ATP11A: variants seen among roughly 807,000 people sequenced by gnomAD.
The protein encoded by ATP11A is phospholipid-transporting ATPase IH.
A neutral mutation model predicts 154.4 loss-of-function variants in ATP11A; 81 were observed. The observed-to-expected ratio is 0.52, with a 90% CI of 0.44 to 0.63. The LOEUF is 0.63. Ranked by LOEUF, ATP11A falls within the 30% of genes least tolerant of loss-of-function variation. ATP11A has a pLI of 0.00. For synonymous variants in ATP11A, 623 were observed against 585.9 expected (o/e 1.06, Z -0.91); for missense variants, 1,316 against 1,474.3 (o/e 0.89, Z 1.76).
intron 20 of ATP11A, chr13:112,856,583 A>G (rs900469651): frequency 2.6e-5 from 4 of 152,578 alleles, no homozygotes; most frequent in African/African-American, 9.6e-5. Flanking sequence ...TTGTCCATCA[A>G]ACTCCAAACG....
intron 16 of ATP11A, among the ~76,000 whole-genome samples, chr13:112,839,717 C>G (rs1249179358): frequency 1.3e-5 from 2 of 152,168 alleles, no homozygotes; most frequent in African/African-American, 4.8e-5. Flanking sequence ...CAAGGCTGTT[C>G]CTCACCAAGT....
chr13:112,767,508 AG>A (rs372720473), intron 1 of ATP11A, among the ~76,000 whole-genome samples: 3,182 of 31,954 alleles, frequency 0.1, 103 homozygotes, highest in South Asian at 0.26. Context: ...GGGAGGATGT[AG>A]GGGTATCGGG....
In ATP11A at chr13:112,784,318, C is replaced by T. The variant is rs535348617; in HGVS notation, c.40-817C>T. Among the ~76,000 whole-genome samples the T allele has an allele frequency of 3.3e-5, 5 of 152,304 alleles. No homozygotes were observed. In the South Asian group the frequency reaches 6.2e-4, roughly 19 times the overall value. ...CAATGGTAAACTGATATTCACACCG[C>T]GGGCATGTCTTATGGAAAGCTGCCT... On this transcript the variant is annotated intron_variant, in intron 1 of 29. Transcript: ENST00000375645.
chr13:112,736,193 A>AC (rs1890988692), intron 1 of ATP11A, among the ~76,000 whole-genome samples: 1 of 152,118 alleles, frequency 6.6e-6, no homozygotes, highest in African/African-American at 2.4e-5. Flanking sequence ...TTTGAACTTG[A>AC]CCCTATCACT....
chr13:112,831,316 G>C (rs2079077251), intron 12 of ATP11A, 59 bp from the exon 13 acceptor site: 1 of 1,570,056 alleles, frequency 6.4e-7, no homozygotes, highest in Non-Finnish European at 8.7e-7. Flanking sequence ...CTGTGTGTCT[G>C]AGTCGGGGAC....
At chr13:112,718,915 G>A (rs1219647432) in intron 1 of ATP11A, among the ~76,000 whole-genome samples, 4 of 152,068 alleles carry the variant, frequency 2.6e-5, no homozygotes, top group East Asian at 1.9e-4. Flanking sequence ...TCTGACCTCC[G>A]GCTATCCACC....
At chr13:112,818,424 C>T (rs2078707736) in intron 6 of ATP11A, among the ~76,000 whole-genome samples, 1 of 152,238 alleles carries the variant, frequency 6.6e-6, no homozygotes, top group Admixed American at 6.5e-5. Context: ...GGTGATGATG[C>T]AGTGATTGTT....
At chr13:112,863,693 C>T (rs2080207886) in intron 25 of ATP11A, among the ~76,000 whole-genome samples, 1 of 128,814 alleles carries the variant, frequency 7.8e-6, no homozygotes, top group East Asian at 2.5e-4. Flanking sequence ...TAATTCAGTG[C>T]AGGCCTGCGC....
intron 1 of ATP11A, among the ~76,000 whole-genome samples, chr13:112,715,466 C>CT (rs1172137340): frequency 0.019 from 198 of 10,588 alleles, no homozygotes; most frequent in East Asian, 0.079. Context: ...CCTGGCCCAT[C>CT]CCCCACACCT....
At chr13:112,702,263 T>C (rs1490112719) in intron 1 of ATP11A, among the ~76,000 whole-genome samples, 3 of 148,068 alleles carry the variant, frequency 2.0e-5, no homozygotes, top group Admixed American at 6.8e-5. Flanking sequence ...GGAGAAGCGC[T>C]TGAACCCAGG....
intron 2 of ATP11A, among the ~76,000 whole-genome samples, chr13:112,786,030 T>C (rs1395584439): frequency 2.9e-4 from 29 of 99,900 alleles, no homozygotes; most frequent in East Asian, 2.1e-3. Context: ...TAAACTGTGC[T>C]TTCCAGGTAA....
intron 11 of ATP11A, 48 bp from the exon 12 acceptor site, chr13:112,826,646 G>A (rs769835443): frequency 1.3e-6 from 2 of 1,511,330 alleles, no homozygotes; most frequent in Admixed American, 1.7e-5. Flanking sequence ...TTGGAGGCCT[G>A]CTGTCCCTCC....
At chr13:112,721,421 G>A (rs1009630218) in intron 1 of ATP11A, among the ~76,000 whole-genome samples, 1 of 152,206 alleles carries the variant, frequency 6.6e-6, no homozygotes, top group Non-Finnish European at 1.5e-5. Flanking sequence ...GTTCTCTTGC[G>A]TGTGCATTTG....
At chr13:112,789,184 C>G (rs1028752532) in intron 2 of ATP11A, among the ~76,000 whole-genome samples, 2 of 151,318 alleles carry the variant, frequency 1.3e-5, no homozygotes, top group East Asian at 2.0e-4. Flanking sequence ...CTGTGGAGAC[C>G]TACTTAATTC....
At chr13:112,719,512 G>A (rs537052904) in intron 1 of ATP11A, among the ~76,000 whole-genome samples, 2 of 152,326 alleles carry the variant, frequency 1.3e-5, no homozygotes, top group South Asian at 4.1e-4. Flanking sequence ...TTATAGATCT[G>A]ATTGGATTTT....
chr13:112,864,885 G>C (rs1282029352), intron 25 of ATP11A, among the ~76,000 whole-genome samples: 3 of 59,948 alleles, frequency 5.0e-5, no homozygotes, highest in African/African-American at 1.2e-4. Flanking sequence ...TTCAGTGCAG[G>C]CCTGCGCAGC....
At chr13:112,844,815 C>A (rs1457080821) in intron 17 of ATP11A, among the ~76,000 whole-genome samples, 1 of 151,204 alleles carries the variant, frequency 6.6e-6, no homozygotes, top group Non-Finnish European at 1.5e-5. Flanking sequence ...ACTAACCAGT[C>A]CAGTTGCCGG....
intron 29 of ATP11A, 23 bp downstream of exon 29, chr13:112,878,326 G>C (rs749788319): frequency 9.3e-6 from 15 of 1,611,570 alleles, no homozygotes; most frequent in Non-Finnish European, 1.2e-5. Flanking sequence ...TGCCTTCCAC[G>C]CACCTGGGAT....
chr13:112,860,522 C>A, intron 24 of ATP11A, 108 bp downstream of exon 24: 1 of 1,289,204 alleles, frequency 7.8e-7, no homozygotes, highest in Non-Finnish European at 1.1e-6. Context: ...GGGCCAGAAG[C>A]ATTCGGCATC....
Sources: gnomAD v4.1 joint callset for allele counts (sites outside exome capture counted in the v4.1 genomes callset) on GRCh38, gnomAD v4.1.1 for gene constraint, MANE v1.5 for transcripts, NCBI Gene and HGNC (gene_info 2026-07-23, HGNC 2026-07-21) for gene names.